CCDC7: variants seen among roughly 807,000 people sequenced by gnomAD.
The protein encoded by CCDC7 is coiled-coil domain containing 7, also known as coiled-coil domain-containing protein 7.
Under a neutral mutation model 196.9 loss-of-function variants are expected in CCDC7, and 183 were observed. The observed-to-expected ratio is 0.93, with a 90% confidence interval of 0.82 to 1.05. The LOEUF is 1.05. CCDC7 is among the 50% of genes least tolerant of loss of function. The pLI, the probability that CCDC7 is intolerant of heterozygous loss-of-function variation, is 0.00. For missense variants in CCDC7, 1,540 were observed against 1,482.2 expected (o/e 1.04, Z -0.64); for synonymous variants, 525 against 484.6 (o/e 1.08, Z -1.10).
At chr10:32,801,608 C>A (rs2084805442) in intron 29 of CCDC7, among the ~76,000 whole-genome samples, 1 of 152,166 alleles carries the variant, frequency 6.6e-6, no homozygotes, top group Non-Finnish European at 1.5e-5. Flanking sequence ...AGTGCACCTC[C>A]ATGTGGGTTA....
intron 21 of CCDC7, among the ~76,000 whole-genome samples, chr10:32,666,143 CAAAG>C (rs1591335498): frequency 7.5e-6 from 1 of 132,846 alleles, no homozygotes; most frequent in African/African-American, 2.8e-5. Context: ...TTTTCATTGA[CAAAG>C]AAGTTTCACC....
At position 32,846,444 on chromosome 10, in the gene CCDC7, T is replaced by A. The variant is rs778644153; in HGVS notation, c.3673T>A (p.Leu1225Ile). The A allele has an allele frequency of 3.8e-6, 6 of 1,595,312 alleles. No individual in the cohort carries two copies. The Admixed American group carries it at 1.0e-4, about 27-fold the overall frequency. ...AATAAAGGGACCAATCAGTGCACAATTAAAGAGTCACCAGGGTAAGAAAAA... is the reference window on the plus strand; with the variant it reads ...AATAAAGGGACCAATCAGTGCACAAATAAAGAGTCACCAGGGTAAGAAAAA... The change falls in exon 37 of 42, where the codon TTA (leucine) becomes ATA (isoleucine). Residue 1225 changes from leucine (L) to isoleucine (I), a missense_variant. By Grantham distance (5) the Leu-to-Ile change is conservative (BLOSUM62 2). Transcript: ENST00000639629.
chr10:32,451,552 A>C, upstream of CCDC7: 1 of 1,475,292 alleles, frequency 6.8e-7, no homozygotes, highest in Non-Finnish European at 9.0e-7. Flanking sequence ...ATTTAATTAG[A>C]GCCTGGTGTT....
intron 21 of CCDC7, 40 bp from the exon 23 acceptor site, chr10:32,685,930 T>C (rs1217913752): frequency 8.4e-7 from 1 of 1,189,314 alleles, no homozygotes; most frequent in Non-Finnish European, 1.2e-6. Context: ...AAAAGATCCA[T>C]TTTTCTATTT....
chr10:32,817,712 T>C (rs368585186), intron 31 of CCDC7, among the ~76,000 whole-genome samples: 7 of 150,526 alleles, frequency 4.7e-5, no homozygotes, highest in Non-Finnish European at 8.9e-5. Context: ...AATTTTCAAC[T>C]CAGAATTTCA....
chr10:32,552,695 T>C (rs1457833914), intron 13 of CCDC7, among the ~76,000 whole-genome samples: 2 of 152,192 alleles, frequency 1.3e-5, no homozygotes, highest in African/African-American at 4.8e-5. Context: ...TTTCGCTAGA[T>C]ACAAAATTCT....
chr10:32,671,502 C>T (rs2074052713), intron 21 of CCDC7, among the ~76,000 whole-genome samples: 2 of 152,120 alleles, frequency 1.3e-5, no homozygotes, highest in Non-Finnish European at 2.9e-5. Flanking sequence ...CATTAAGTGA[C>T]ACACATAACT....
At chr10:32,512,038 A>G in intron 9 of CCDC7, 1 of 347,384 alleles carries the variant, frequency 2.9e-6, no homozygotes, top group Admixed American at 4.4e-5. Flanking sequence ...TTGTCAGTGC[A>G]TTGTCTAGCT....
chr10:32,678,222 T>C (rs1591500831), intron 21 of CCDC7, among the ~76,000 whole-genome samples: 1 of 152,264 alleles, frequency 6.6e-6, no homozygotes, highest in South Asian at 2.1e-4. Context: ...TAGATCTGCA[T>C]TTTTAAGAAT....
chr10:32,676,294 C>G (rs1388935710), intron 21 of CCDC7, among the ~76,000 whole-genome samples: 1 of 151,352 alleles, frequency 6.6e-6, no homozygotes, highest in Non-Finnish European at 1.5e-5. Flanking sequence ...CAATACCATT[C>G]AGGACATAGG....
At chr10:32,644,959 A>G (rs2067493216) in intron 20 of CCDC7, among the ~76,000 whole-genome samples, 1 of 152,204 alleles carries the variant, frequency 6.6e-6, no homozygotes, top group African/African-American at 2.4e-5. Flanking sequence ...TTTCTTTGCA[A>G]ATTACCCAGT....
intron 20 of CCDC7, among the ~76,000 whole-genome samples, chr10:32,641,346 C>T (rs1468837234): frequency 6.6e-6 from 1 of 152,080 alleles, no homozygotes; most frequent in Non-Finnish European, 1.5e-5. Flanking sequence ...AGGCTTTGTT[C>T]GTTTCTTTTT....
chr10:32,826,752 G>A (rs2091183625), intron 32 of CCDC7, among the ~76,000 whole-genome samples: 1 of 152,230 alleles, frequency 6.6e-6, no homozygotes, highest in South Asian at 2.1e-4. Flanking sequence ...GTGGACAGCT[G>A]CAGCACTACA....
At chr10:32,543,993 A>G (rs2051974734) in intron 12 of CCDC7, among the ~76,000 whole-genome samples, 1 of 152,086 alleles carries the variant, frequency 6.6e-6, no homozygotes, top group African/African-American at 2.4e-5. Context: ...AAATGACCCG[A>G]GAAGAAAAAA....
At chr10:32,483,782 G>A (rs1160312467) in intron 8 of CCDC7, among the ~76,000 whole-genome samples, 2 of 152,062 alleles carry the variant, frequency 1.3e-5, no homozygotes, top group Non-Finnish European at 2.9e-5. Flanking sequence ...TTTTTCTCAG[G>A]TTTGTCAAAG....
At chr10:32,544,999 C>A (rs949562099) in intron 13 of CCDC7, among the ~76,000 whole-genome samples, 2 of 151,864 alleles carry the variant, frequency 1.3e-5, no homozygotes, top group African/African-American at 4.8e-5. Context: ...ATACAAAGTA[C>A]AATAGGAAAA....
At chr10:32,610,695 A>G (rs543831605) in intron 18 of CCDC7, among the ~76,000 whole-genome samples, 1 of 152,248 alleles carries the variant, frequency 6.6e-6, no homozygotes, top group East Asian at 1.9e-4. Flanking sequence ...TTCCTGTGTT[A>G]GGTTGCTGAG....
chr10:32,489,883 T>C (rs2041884532), intron 8 of CCDC7, among the ~76,000 whole-genome samples: 1 of 151,850 alleles, frequency 6.6e-6, no homozygotes, highest in Non-Finnish European at 1.5e-5. Flanking sequence ...GGGTCACACA[T>C]GGAATTGGGG....
chr10:32,566,234 C>A (rs893349018), intron 14 of CCDC7, among the ~76,000 whole-genome samples: 7 of 152,108 alleles, frequency 4.6e-5, no homozygotes, highest in African/African-American at 1.4e-4. Flanking sequence ...TTGATATATT[C>A]ATCTGTTTTT....
Sources: allele counts gnomAD v4.1 joint callset (sites outside exome capture counted in the v4.1 genomes callset), GRCh38; gene constraint gnomAD v4.1.1; transcripts MANE v1.5; gene names NCBI Gene and HGNC (gene_info 2026-07-23, HGNC 2026-07-21).